NCOA4: variants seen among roughly 807,000 people sequenced by gnomAD.
NCOA4 encodes the protein 70 kDa AR-activator.
A neutral mutation model predicts 69.5 loss-of-function variants in NCOA4; 31 were observed. The ratio of observed to expected loss-of-function variants is 0.45; its 90% CI spans 0.34 to 0.60. The LOEUF is 0.60. Ranked by LOEUF, NCOA4 falls within the 20% of genes least tolerant of loss-of-function variation. NCOA4 has a pLI of 0.02. For synonymous variants in NCOA4, 228 were observed against 252.4 expected (o/e 0.90, Z 0.92); for missense variants, 600 against 719.2 (o/e 0.83, Z 1.90).
chr10:46,017,033 C>CA (rs1302277742), intron 1 of NCOA4, among the ~76,000 whole-genome samples: 1 of 152,194 alleles, frequency 6.6e-6, no homozygotes, highest in Non-Finnish European at 1.5e-5. Flanking sequence ...TTATAACACA[C>CA]ATATAGTCAT....
In NCOA4 at chr10:46,013,618, C is replaced by A. The variant is rs782778604; in HGVS notation, c.502G>T (p.Ala168Ser). 6.2e-7 allele frequency: 1 copy of A among 1,612,272 alleles called. No homozygotes were observed. The highest frequency in any genetic ancestry group is 1.1e-5 in the South Asian group (1 of 90,742). The change falls in exon 6 of 10, where the codon GCT (alanine) becomes TCT (serine). Residue 168 changes from alanine to serine, a missense_variant. Physicochemically the swap from Ala to Ser is moderately conservative, Grantham distance 99. Coordinates refer to ENST00000581486, the MANE Select transcript of NCOA4 (RefSeq NM_001145263.2). ...KTIQIPEHLM[A>S]HASSANIGPF... The stretch of plus-strand genomic sequence containing the variant: ...CCAATATTTGCTGAACTAGCATGAG[C>A]CATCAAGTGCTCAGGAATTTGCTAC...
intron 1 of NCOA4, among the ~76,000 whole-genome samples, chr10:46,024,530 TTG>T (rs752604907): frequency 8.5e-5 from 13 of 152,238 alleles, no homozygotes; most frequent in African/African-American, 3.1e-4. Context: ...TTATATTCAT[TTG>T]TGTTTCTCTC....
At position 46,010,536 on chromosome 10, in the gene NCOA4, C is replaced by G. The variant is rs1554921015; in HGVS notation, c.1385G>C (p.Cys462Ser). ...KHKDSLNMWL[C>S]PRKEVIEQTK... ...TTGTTCTATTACTTCTTTTCTAGGA[C>G]AGAGCCACATATTCAGGGAATCTTT... The change falls in exon 8 of 10, where the codon TGT becomes TCT. Residue 462 changes from cysteine to serine, a missense_variant. Coordinates refer to ENST00000581486, the MANE Select transcript of NCOA4 (RefSeq NM_001145263.2). 1.2e-6 allele frequency: 2 copies of G among 1,614,220 alleles called. No individual in the cohort carries two copies. Among genetic ancestry groups the G allele is most frequent in the Admixed American group, 3.3e-5 (2 of 60,030 alleles).
At chr10:46,029,048 A>AAAG (rs1491285276) in intron 1 of NCOA4, among the ~76,000 whole-genome samples, 3 of 139,932 alleles carry the variant, frequency 2.1e-5, no homozygotes, top group African/African-American at 8.1e-5. Context: ...AAAAAAAAAA[A>AAAG]GGGGGGGGTG....
At chr10:46,028,478 T>C (rs1840276367) in intron 1 of NCOA4, among the ~76,000 whole-genome samples, 1 of 152,006 alleles carries the variant, frequency 6.6e-6, no homozygotes, top group African/African-American at 2.4e-5. Flanking sequence ...CGAGCCTTTT[T>C]TTAAAAAACT....
chr10:46,011,100 C>G lies in NCOA4; in HGVS notation c.821G>C (p.Ser274Thr). Residue 274 changes from serine to threonine, a missense_variant, in exon 8 of 10, where the codon AGC becomes ACC. Physicochemically the swap from Ser to Thr is moderately conservative, Grantham distance 58 (BLOSUM62 1). Transcript: ENST00000581486. ...GGAGAAAGAACTAGTAGTGGAATGG[C>G]TGTTACACTTTTGATAACTTGATTT... is the stretch of plus-strand genomic sequence containing the variant. ...SEKSSYQKCN[S>T]HSTTSSFSIE... is the part of the protein sequence containing the mutation. 1 of 1,613,910 alleles carries G rather than the reference C, an allele frequency of 6.2e-7. No individual in the cohort carries two copies. The highest frequency in any genetic ancestry group is 8.5e-7 in the Non-Finnish European group (1 of 1,179,850).
intron 1 of NCOA4, 150 bp from the exon 2 acceptor site, chr10:46,016,844 TAATA>T: frequency 4.4e-6 from 2 of 449,650 alleles, no homozygotes; most frequent in Admixed American, 4.3e-5. Context: ...AAGATACTCT[TAATA>T]AATATTGTCT....
intron 1 of NCOA4, among the ~76,000 whole-genome samples, chr10:46,028,261 T>C (rs1260918338): frequency 1.3e-5 from 2 of 152,164 alleles, no homozygotes; most frequent in African/African-American, 4.8e-5. Context: ...TCCCCCTTAA[T>C]ATGCTTTATT....
chr10:46,011,530 C>T (rs1279784481), intron 7 of NCOA4, among the ~76,000 whole-genome samples: 2 of 151,848 alleles, frequency 1.3e-5, no homozygotes, highest in Non-Finnish European at 2.9e-5. Flanking sequence ...CCACCTCAGC[C>T]TCCCAAAGTA....
Position 46,016,545 on chromosome 10 carries a change from G to T in NCOA4, c.136C>A (p.Arg46=), listed in dbSNP as rs1554923258. 3.3e-6 allele frequency: 5 copies of T among 1,516,372 alleles called. No homozygotes were observed. Among genetic ancestry groups the T allele is most frequent in the Admixed American group, 1.9e-5 (1 of 52,778 alleles). 93.9% of individuals were successfully genotyped at this position (1,516,372 alleles called of 1,614,324 possible). Reference sequence around the variant, plus strand: ...GAGAAAAGCACATGTCACACCTCTCGCAAGTTATCTTTAATTTGCTGTTCA... The same window carrying T: ...GAGAAAAGCACATGTCACACCTCTCTCAAGTTATCTTTAATTTGCTGTTCA... The part of the protein sequence containing the change: ...RAEQQIKDNL[R]EVKAQIHSCI... Residue 46 remains arginine (R), a synonymous_variant, in exon 2 of 10, where the codon CGA becomes AGA. Coordinates refer to ENST00000581486, the MANE Select transcript of NCOA4 (RefSeq NM_001145263.2).
chr10:46,025,284 CT>C (rs1411034857), intron 1 of NCOA4, among the ~76,000 whole-genome samples: 1 of 152,192 alleles, frequency 6.6e-6, no homozygotes, highest in East Asian at 1.9e-4. Flanking sequence ...ATAGATCTGC[CT>C]TTTCAATGTT....
chr10:46,013,376 C>T (rs1839349020), intron 6 of NCOA4, among the ~76,000 whole-genome samples, 174 bp downstream of exon 6: 1 of 152,194 alleles, frequency 6.6e-6, no homozygotes. Context: ...CCCGACAAGA[C>T]ATCTAAATTT....
chr10:46,014,871 G>C lies in NCOA4; in HGVS notation c.354C>G (p.Val118=). The C allele has an allele frequency of 6.2e-7, 1 of 1,613,940 alleles. No individual in the cohort carries two copies. The highest frequency in any genetic ancestry group is 1.3e-5 in the African/African-American group (1 of 75,030). The change falls in exon 4 of 10, where the codon GTC becomes GTG. Residue 118 remains valine, a synonymous_variant. Transcript: ENST00000581486. ...CTQNKDLANQ[V]SVCLERLGSL... is the part of the protein sequence containing the mutation. ...GTCATTACCTCTCCAGGCACACAGA[G>C]ACTTGATTGGCTAGATCTTTGTTTT...
chr10:46,015,353 TG>T (rs201836029), intron 2 of NCOA4, 87 bp from the exon 3 acceptor site: 33 of 275,096 alleles, frequency 1.2e-4, no homozygotes, highest in Middle Eastern at 1.5e-3. Flanking sequence ...AAACTTTTTT[TG>T]GGGGGGTGGG....
At chr10:46,027,367 G>C (rs910610406) in intron 1 of NCOA4, 1 of 1,418,724 alleles carries the variant, frequency 7.0e-7, no homozygotes, top group African/African-American at 1.4e-5. Flanking sequence ...AATCAAAGAA[G>C]ATAAGCTAAG....
Position 46,010,392 on chromosome 10 carries a change from TC to T in NCOA4, c.1528del (p.Glu510LysfsTer18). 2.5e-6 allele frequency: 4 copies of T among 1,614,166 alleles called. No individual in the cohort carries two copies. Among genetic ancestry groups the T allele is most frequent in the Non-Finnish European group, 3.4e-6 (4 of 1,180,024 alleles). ...RPPYKEGSPK[E>X]VPGTEDRAGK... ...AGCTCTGTCTTCAGTACCAGGCACTTCCTTGGGACTTCCTTCTTTGTATGGG... is the reference window on the plus strand; with the variant it reads ...AGCTCTGTCTTCAGTACCAGGCACTTCTTGGGACTTCCTTCTTTGTATGGG... On this transcript the variant is annotated frameshift_variant, in exon 8 of 10. Transcript: ENST00000581486. LOFTEE classifies it high-confidence loss of function.
chr10:46,006,180 A>G lies in NCOA4; in HGVS notation c.*412T>C, dbSNP rs1838797951. 1 of 240,530 alleles carries G rather than the reference A, an allele frequency of 4.2e-6. No individual in the cohort carries two copies. Among genetic ancestry groups the G allele is most frequent in the Admixed American group, 5.3e-5 (1 of 18,746 alleles). The allele number at this position is 240,530 out of a possible 1,614,324, so 14.9% of individuals were successfully genotyped here. On this transcript the variant is annotated 3_prime_UTR_variant, in exon 10 of 10. Coordinates refer to ENST00000581486, the MANE Select transcript of NCOA4 (RefSeq NM_001145263.2). ...AAAGAAAACCCACAGCAAGAGAAGCATCTGTAGGGCAATTAAACGTTAGGG... is the reference window on the plus strand; with the variant it reads ...AAAGAAAACCCACAGCAAGAGAAGCGTCTGTAGGGCAATTAAACGTTAGGG...
chr10:46,005,793 C>A lies in NCOA4; in HGVS notation c.*799G>T, dbSNP rs1590141923. ...TGTTTCAAGTACTATACTACATTTC[C>A]AACATGTCTTTTGCCTATTTGCTTA... On this transcript the variant is annotated 3_prime_UTR_variant, in exon 10 of 10. Transcript: ENST00000581486. 4.7e-6 allele frequency: 1 copy of A among 211,700 alleles called. No individual in the cohort carries two copies. Among genetic ancestry groups the A allele is most frequent in the East Asian group, 7.1e-5 (1 of 14,078 alleles). 13.1% of individuals were successfully genotyped at this position (211,700 alleles called of 1,614,324 possible).
chr10:46,012,866 T>C lies in NCOA4; in HGVS notation c.714+17A>G, dbSNP rs140435597. The C allele has an allele frequency of 5.0e-3, 8,003 of 1,613,468 alleles. 32 individuals are homozygous for C. Among genetic ancestry groups the C allele is most frequent in the South Asian group, 0.017 (1,510 of 91,032 alleles). On this transcript the variant is annotated intron_variant, in intron 7 of 9. Transcript: ENST00000581486. ...ACTGCTGTGTCTACTGTAGAAACAA[T>C]AAAAGCAGCAACAGACCTGACTGTT...
Sources: gnomAD v4.1 joint callset for allele counts (sites outside exome capture counted in the v4.1 genomes callset) on GRCh38, gnomAD v4.1.1 for gene constraint, MANE v1.5 for transcripts, NCBI Gene and HGNC (gene_info 2026-07-23, HGNC 2026-07-21) for gene names.